Variants in ST6GAL2 observed in about 807,000 individuals in gnomAD.
The protein encoded by ST6GAL2 is beta-galactoside alpha-2,6-sialyltransferase 2.
A neutral mutation model predicts 37.5 loss-of-function variants in ST6GAL2; 24 were observed. The observed-to-expected ratio is 0.64, with a 90% CI of 0.46 to 0.90. The LOEUF is 0.90. Ranked by LOEUF, ST6GAL2 falls within the 40% of genes least tolerant of loss-of-function variation. The pLI is 0.00. For synonymous variants in ST6GAL2, 306 were observed against 295.1 expected, an observed-to-expected ratio of 1.04 and a Z score of -0.38; for missense variants, 715 against 712.7, an observed-to-expected ratio of 1.00 and a Z score of -0.04.
At chr2:106,884,833 G>C (rs536418319) in intron 1 of ST6GAL2, among the ~76,000 whole-genome samples, 3 of 149,110 alleles carry the variant, frequency 2.0e-5, no homozygotes, top group Admixed American at 6.7e-5. Flanking sequence ...GGGAAGGAGA[G>C]TGGGTAAAAA....
At chr2:106,813,891 T>C (rs1675701432) in intron 5 of ST6GAL2, among the ~76,000 whole-genome samples, 1 of 152,202 alleles carries the variant, frequency 6.6e-6, no homozygotes, top group Admixed American at 6.5e-5. Context: ...AAAGGCTAAG[T>C]GTATTAAATA....
At chr2:106,825,061 T>C (rs1676151622) in intron 5 of ST6GAL2, 1 of 152,288 alleles carries the variant, frequency 6.6e-6, no homozygotes, top group Non-Finnish European at 1.5e-5. Context: ...CCCGGTAATC[T>C]GGTTTACAAA....
chr2:106,885,787 G>C (rs1678958033), intron 1 of ST6GAL2: 1 of 152,150 alleles, frequency 6.6e-6, no homozygotes, highest in Admixed American at 6.5e-5. Context: ...AAGAAGTGCA[G>C]TTTTGTACGG....
chr2:106,860,312 C>A (rs544602666), intron 1 of ST6GAL2, among the ~76,000 whole-genome samples: 110 of 152,300 alleles, frequency 7.2e-4, no homozygotes, highest in African/African-American at 2.5e-3. Flanking sequence ...GAGCCTGGAA[C>A]AGTGCCTGGC....
chr2:106,867,996 AAACT>A (rs1280117789), intron 1 of ST6GAL2, among the ~76,000 whole-genome samples: 1 of 152,238 alleles, frequency 6.6e-6, no homozygotes, highest in Non-Finnish European at 1.5e-5. Context: ...GGCAAGAGCG[AAACT>A]AACAAACAAA....
chr2:106,837,844 G>A (rs1021477195), intron 2 of ST6GAL2, among the ~76,000 whole-genome samples: 1 of 152,204 alleles, frequency 6.6e-6, no homozygotes, highest in Non-Finnish European at 1.5e-5. Flanking sequence ...GACTTCACGA[G>A]GCACAGGGCA....
intron 1 of ST6GAL2, among the ~76,000 whole-genome samples, chr2:106,881,915 A>G (rs531931888): frequency 9.9e-5 from 15 of 152,264 alleles, no homozygotes; most frequent in South Asian, 6.2e-4. Flanking sequence ...TACTTTTTGA[A>G]CTTGCTCTCC....
intron 4 of ST6GAL2, 90 bp from the exon 5 acceptor site, chr2:106,830,330 C>G (rs1573232745): frequency 9.5e-7 from 1 of 1,055,114 alleles, no homozygotes; most frequent in African/African-American, 1.6e-5. Flanking sequence ...GGCAGAGGGG[C>G]CAGGCTGGGG....
intron 1 of ST6GAL2, among the ~76,000 whole-genome samples, chr2:106,868,269 A>G (rs961024492): frequency 1.3e-5 from 2 of 152,190 alleles, no homozygotes; most frequent in Non-Finnish European, 2.9e-5. Context: ...TTAAAACAGA[A>G]GGAAAAGAAA....
chr2:106,834,221 A>T, intron 2 of ST6GAL2, 75 bp from the exon 3 acceptor site: 1 of 972,336 alleles, frequency 1.0e-6, no homozygotes, highest in Non-Finnish European at 1.6e-6. Context: ...TGTTAAAGCA[A>T]ATCTTTCAAT....
rs558806407 is a variant in ST6GAL2 at position 106,843,017 on chromosome 2, C to A, written c.943+18G>T. 6 of 1,374,076 alleles carry A rather than the reference C, an allele frequency of 4.4e-6. No homozygotes were observed. Among genetic ancestry groups the A allele is most frequent in the Middle Eastern group, 2.2e-4 (1 of 4,594 alleles). The allele number at this position is 1,374,076 out of a possible 1,614,324, so 85.1% of individuals were successfully genotyped here. ...CTGGCTCAAGACAGGGCGACCTGGT[C>A]CCCCCGCTGAGACCTACCTATTTCC... On this transcript the variant is annotated intron_variant, in intron 2 of 5. Transcript: ENST00000409382.
rs756005761 is a variant in ST6GAL2 at position 106,830,049 on chromosome 2, T to A, written c.1318+17A>T. Reference sequence around the variant, plus strand: ...TGTCTGCCCCCCAATCATTCCAATTTTTAACATAACACCTACCAATGAAAC... The same window carrying A: ...TGTCTGCCCCCCAATCATTCCAATTATTAACATAACACCTACCAATGAAAC... On this transcript the variant is annotated intron_variant, in intron 5 of 5. Coordinates refer to ENST00000409382, the MANE Select transcript of ST6GAL2 (RefSeq NM_001142351.2). 1 of 1,612,154 alleles carries A rather than the reference T, an allele frequency of 6.2e-7. No individual in the cohort carries two copies. Among genetic ancestry groups the A allele is most frequent in the South Asian group, 1.1e-5 (1 of 90,824 alleles).
chr2:106,873,738 G>A (rs1205490062), intron 1 of ST6GAL2, among the ~76,000 whole-genome samples: 1 of 152,226 alleles, frequency 6.6e-6, no homozygotes. Context: ...CAAAAATTAT[G>A]AGGTTGAATG....
chr2:106,859,792 C>A (rs777598723), intron 1 of ST6GAL2, among the ~76,000 whole-genome samples: 5 of 152,176 alleles, frequency 3.3e-5, no homozygotes, highest in Admixed American at 1.3e-4. Flanking sequence ...ATGCTCCATG[C>A]AGCAGTCGGA....
In ST6GAL2 at chr2:106,830,108, T is replaced by C; in HGVS notation, c.1276A>G (p.Lys426Glu). 1 of 1,614,110 alleles carries C rather than the reference T, an allele frequency of 6.2e-7. No homozygotes were observed. The highest frequency in any genetic ancestry group is 2.2e-5 in the East Asian group (1 of 44,874). ...GGTGGGTTTGGTTGAATCTTCTCTT[T>C]AGTGTTCTCCTGGATAATATCCCAG... ...QLWDIIQENT[K>E]EKIQPNPPSS... Residue 426 changes from lysine to glutamate, a missense_variant, in exon 5 of 6, where the codon AAA (lysine) becomes GAA (glutamate). Around this residue, in one of 3 missense-constraint regions of ST6GAL2, gnomAD observed 198 missense variants for 203.6 expected, o/e 0.97. Coordinates refer to ENST00000409382, the MANE Select transcript of ST6GAL2 (RefSeq NM_001142351.2).
intron 5 of ST6GAL2, among the ~76,000 whole-genome samples, chr2:106,807,631 CTT>C (rs10665727): frequency 6.5e-5 from 9 of 139,014 alleles, no homozygotes; most frequent in Non-Finnish European, 6.1e-5. Flanking sequence ...ACATTTTATT[CTT>C]TTTTTTTTTT....
chr2:106,851,275 C>T (rs1357533214), intron 1 of ST6GAL2, among the ~76,000 whole-genome samples: 1 of 152,186 alleles, frequency 6.6e-6, no homozygotes, highest in Non-Finnish European at 1.5e-5. Flanking sequence ...AAGTGCCTCA[C>T]TGCTGGAAAT....
In ST6GAL2 at chr2:106,843,393, C is replaced by T. The variant is rs376841513; in HGVS notation, c.585G>A (p.Leu195=). Residue 195 remains leucine, a synonymous_variant, in exon 2 of 6, where the codon CTG becomes CTA. Coordinates refer to ENST00000409382, the MANE Select transcript of ST6GAL2 (RefSeq NM_001142351.2). The part of the protein sequence containing the change: ...VLEEGDDGDR[L]YSSMSRAFLY... The stretch of plus-strand genomic sequence containing the variant: ...GGAAGGCCCTGGACATGGAGGAGTA[C>T]AGCCTGTCGCCGTCGTCGCCCTCCT... 161 of 1,614,024 alleles carry T rather than the reference C, an allele frequency of 1.0e-4. No homozygotes were observed. The highest frequency in any genetic ancestry group is 1.3e-4 in the Non-Finnish European group (157 of 1,180,020).
chr2:106,830,284 C>T (rs749833279), intron 4 of ST6GAL2, 44 bp from the exon 5 acceptor site: 19 of 1,547,024 alleles, frequency 1.2e-5, no homozygotes, highest in Admixed American at 1.7e-5. Flanking sequence ...AAGAACTAAA[C>T]TATGAAAGGA....
Sources: allele counts gnomAD v4.1 joint callset (sites outside exome capture counted in the v4.1 genomes callset), GRCh38; gene constraint gnomAD v4.1.1; regional missense constraint gnomAD v4.1.1; transcripts MANE v1.5; gene names NCBI Gene and HGNC (gene_info 2026-07-23, HGNC 2026-07-21).